Variants in CAST observed in about 807,000 individuals in gnomAD.
CAST encodes the protein MIR583 host.
A neutral mutation model predicts 119.6 loss-of-function variants in CAST; 76 were observed. That is an observed-to-expected ratio of 0.64 (90% CI 0.53 to 0.77). The LOEUF is 0.77. CAST is among the 30% of genes least tolerant of loss of function. The pLI is 0.00. For synonymous variants in CAST, 319 were observed against 331.6 expected (o/e 0.96, Z 0.41); for missense variants, 953 against 946.5 (o/e 1.01, Z -0.09).
the CAST span, among the ~76,000 whole-genome samples, chr5:96,257,258 A>T: frequency 6.6e-6 from 1 of 152,188 alleles, no homozygotes; most frequent in African/African-American, 2.4e-5. Context: ...ACATCAAAGC[A>T]GTTCTAGAGT....
Position 96,724,920 on chromosome 5 carries a change from G to T in CAST, c.271-1874G>T, listed in dbSNP as rs532946530. ...ATAGGAAAGAGAGCCAGAAATATAG[G>T]ATTTCCTTTTTATTCTTTTGGTTCT... On this transcript the variant is annotated intron_variant, in intron 4 of 31. Coordinates refer to ENST00000675179, the MANE Select transcript of CAST (RefSeq NM_001750.7). Among the ~76,000 whole-genome samples the T allele has an allele frequency of 2.6e-5, 4 of 152,258 alleles. No individual in the cohort carries two copies. In the South Asian group the frequency reaches 8.3e-4, roughly 32 times the overall value.
intron 11 of CAST, 27 bp downstream of exon 11, chr5:96,737,974 T>A: frequency 7.6e-7 from 1 of 1,319,440 alleles, no homozygotes; most frequent in Non-Finnish European, 1.1e-6. Flanking sequence ...TCTGTAAAAA[T>A]TCATACTCAG....
At chr5:96,408,160 G>T in the CAST span, 1 of 1,167,090 alleles carries the variant, frequency 8.6e-7, no homozygotes, top group Non-Finnish European at 1.3e-6. Context: ...AGAAAAAAAA[G>T]TGTTATTAAA....
chr5:96,491,527 T>TAAAAAAAAAAAAAAAAAAAAA, the CAST span, among the ~76,000 whole-genome samples: 1 of 106,098 alleles, frequency 9.4e-6, no homozygotes, highest in African/African-American at 3.4e-5. Flanking sequence ...AAAAAAAAAT[T>TAAAAAAAAAAAAAAAAAAAAA]AAAAAGACCA....
At chr5:96,758,226 C>T (rs550339933) in intron 24 of CAST, among the ~76,000 whole-genome samples, 32 of 152,264 alleles carry the variant, frequency 2.1e-4, no homozygotes, top group African/African-American at 7.7e-4. Flanking sequence ...AAAATTACTC[C>T]TCAGACAACT....
the CAST span, among the ~76,000 whole-genome samples, chr5:96,290,474 A>T: frequency 1.7e-5 from 2 of 120,790 alleles, no homozygotes; most frequent in African/African-American, 3.3e-5. Context: ...TAAATTAAAT[A>T]AAACTCAGAC....
the CAST span, among the ~76,000 whole-genome samples, chr5:96,127,977 CTT>C: frequency 6.6e-6 from 1 of 152,032 alleles, no homozygotes; most frequent in Non-Finnish European, 1.5e-5. Context: ...TTTGTTGTGT[CTT>C]TGTCAGCTTT....
the CAST span, among the ~76,000 whole-genome samples, chr5:96,175,082 A>G: frequency 0.014 from 2,063 of 152,308 alleles, 52 homozygotes; most frequent in African/African-American, 0.047. Flanking sequence ...AAGTTTTTAA[A>G]TTTAGAAGAC....
At chr5:96,733,561 C>T (rs554620128) in intron 9 of CAST, among the ~76,000 whole-genome samples, 56 of 152,300 alleles carry the variant, frequency 3.7e-4, no homozygotes, top group African/African-American at 1.2e-3. Context: ...TTTTACTTTA[C>T]GTTGCCTCTG....
chr5:96,590,011 G>A (rs970312391), intron 1 of CAST, among the ~76,000 whole-genome samples: 1 of 152,218 alleles, frequency 6.6e-6, no homozygotes, highest in Non-Finnish European at 1.5e-5. Context: ...AGTCAAATGA[G>A]AGTATTAGAG....
intron 1 of CAST, chr5:96,584,429 C>G (rs1746820568): frequency 6.6e-6 from 1 of 152,226 alleles, no homozygotes; most frequent in Non-Finnish European, 1.5e-5. Flanking sequence ...CATTCATTCA[C>G]TCCTCTGATA....
chr5:96,713,972 C>T (rs563989927), intron 3 of CAST, among the ~76,000 whole-genome samples: 1 of 150,738 alleles, frequency 6.6e-6, no homozygotes, highest in East Asian at 1.9e-4. Context: ...ATACTCTGTC[C>T]AAAAAAACAA....
the CAST span, among the ~76,000 whole-genome samples, chr5:96,505,455 G>A: frequency 2.0e-5 from 3 of 151,928 alleles, no homozygotes; most frequent in Admixed American, 2.0e-4. Context: ...CTCCAGCCTG[G>A]GCAACAGAGT....
At chr5:96,226,065 C>T in the CAST span, among the ~76,000 whole-genome samples, 3 of 152,140 alleles carry the variant, frequency 2.0e-5, no homozygotes, top group Admixed American at 6.6e-5. Flanking sequence ...CCCCACCTTG[C>T]ACTTCTCAGA....
intron 28 of CAST, 43 bp from the exon 29 acceptor site, chr5:96,767,864 C>A: frequency 7.8e-7 from 1 of 1,285,892 alleles, no homozygotes; most frequent in Non-Finnish European, 1.1e-6. Context: ...TTGCATTTTG[C>A]CTTCTGCTTC....
At chr5:96,699,668 C>T (rs996544290) in intron 3 of CAST, among the ~76,000 whole-genome samples, 26 of 152,118 alleles carry the variant, frequency 1.7e-4, no homozygotes, top group African/African-American at 5.6e-4. Context: ...TCTGATTGGC[C>T]AGTGTAAATC....
At chr5:96,536,110 C>T (rs1278947841) in intron 1 of CAST, among the ~76,000 whole-genome samples, 1 of 142,588 alleles carries the variant, frequency 7.0e-6, no homozygotes, top group African/African-American at 2.6e-5. Flanking sequence ...GTAATCCCAG[C>T]ACTTTGGGAG....
the CAST span, among the ~76,000 whole-genome samples, chr5:96,327,463 G>C: frequency 6.6e-6 from 1 of 152,142 alleles, no homozygotes; most frequent in African/African-American, 2.4e-5. Flanking sequence ...TCTCAAGAAT[G>C]GTAGCTAACC....
the CAST span, among the ~76,000 whole-genome samples, chr5:96,515,701 G>C: frequency 6.6e-6 from 1 of 152,066 alleles, no homozygotes; most frequent in Non-Finnish European, 1.5e-5. Flanking sequence ...TGAATGGGTT[G>C]GGTACCAGAG....
Sources: gnomAD v4.1 joint callset for allele counts (sites outside exome capture counted in the v4.1 genomes callset) on GRCh38, gnomAD v4.1.1 for gene constraint, MANE v1.5 for transcripts, NCBI Gene and HGNC (gene_info 2026-07-23, HGNC 2026-07-21) for gene names.